ACOXL: variants seen among roughly 807,000 people sequenced by gnomAD.
ACOXL encodes the protein acyl-coenzyme A oxidase-like protein.
A neutral mutation model predicts 71.9 loss-of-function variants in ACOXL; 70 were observed. That is an observed-to-expected ratio of 0.97 (90% CI 0.80 to 1.19). ACOXL has a LOEUF of 1.19. Among genes scored for constraint, ACOXL ranks in the 50% most tolerant of loss-of-function variants. The pLI is 0.00. For synonymous variants in ACOXL, 253 were observed against 281.6 expected (o/e 0.90, Z 1.02); for missense variants, 703 against 736.3 (o/e 0.95, Z 0.52).
intron 16 of ACOXL, among the ~76,000 whole-genome samples, chr2:111,059,758 G>A (rs190587192): frequency 7.9e-5 from 11 of 138,654 alleles, no homozygotes; most frequent in Admixed American, 5.8e-4. Context: ...AAAAGCTAAC[G>A]CACACAAAGG....
chr2:110,964,043 A>G (rs576022280), intron 12 of ACOXL, among the ~76,000 whole-genome samples: 2 of 152,310 alleles, frequency 1.3e-5, no homozygotes, highest in South Asian at 4.1e-4. Context: ...ACGGCAATGG[A>G]TCAGCCTCCT....
chr2:110,847,965 T>G, intron 10 of ACOXL, among the ~76,000 whole-genome samples: 1 of 152,182 alleles, frequency 6.6e-6, no homozygotes, highest in Non-Finnish European at 1.5e-5. Flanking sequence ...GTGTTCTGAT[T>G]TAGATTAGAA....
chr2:110,793,296 A>T (rs1010667860), intron 3 of ACOXL, among the ~76,000 whole-genome samples: 1 of 152,218 alleles, frequency 6.6e-6, no homozygotes, highest in East Asian at 1.9e-4. Flanking sequence ...ATCGAGGGTC[A>T]TTGCACACAC....
chr2:110,780,400 C>T (rs142987063), intron 2 of ACOXL, among the ~76,000 whole-genome samples: 1 of 152,280 alleles, frequency 6.6e-6, no homozygotes, highest in East Asian at 1.9e-4. Flanking sequence ...CTGTTCCTTA[C>T]AACACTAAAA....
intron 10 of ACOXL, among the ~76,000 whole-genome samples, chr2:110,870,313 G>A (rs564565269): frequency 5.3e-5 from 8 of 151,704 alleles, no homozygotes; most frequent in Admixed American, 1.3e-4. Flanking sequence ...TAGTGCCATC[G>A]ACTTCCTTTT....
At chr2:110,959,936 C>T (rs1302781662) in intron 12 of ACOXL, among the ~76,000 whole-genome samples, 6 of 152,140 alleles carry the variant, frequency 3.9e-5, no homozygotes, top group Non-Finnish European at 7.4e-5. Context: ...AAAATTGCTA[C>T]CCAAGGCCAC....
chr2:111,079,064 A>G (rs758221887), intron 16 of ACOXL, among the ~76,000 whole-genome samples: 2 of 152,172 alleles, frequency 1.3e-5, no homozygotes, highest in Non-Finnish European at 2.9e-5. Flanking sequence ...TAAAAGCTGT[A>G]CATGTATTTG....
chr2:110,740,783 C>T (rs949009202), intron 1 of ACOXL, among the ~76,000 whole-genome samples: 1 of 152,188 alleles, frequency 6.6e-6, no homozygotes, highest in Non-Finnish European at 1.5e-5. Context: ...AGTGGGGAAT[C>T]CACTGGCCCT....
At chr2:111,062,719 CA>C (rs1443123481) in intron 16 of ACOXL, among the ~76,000 whole-genome samples, 1 of 151,944 alleles carries the variant, frequency 6.6e-6, no homozygotes, top group East Asian at 1.9e-4. Flanking sequence ...AGAAAAGTTT[CA>C]AACCAGTGAC....
intron 10 of ACOXL, among the ~76,000 whole-genome samples, chr2:110,854,285 T>C (rs1692977940): frequency 6.6e-6 from 1 of 152,190 alleles, no homozygotes; most frequent in African/African-American, 2.4e-5. Context: ...TTGGTACAAT[T>C]TCCAGGCATC....
At position 110,942,083 on chromosome 2, in the gene ACOXL, T is replaced by C. The variant is rs538235346; in HGVS notation, c.1059+8441T>C. Among the ~76,000 whole-genome samples the C allele has an allele frequency of 1.6e-4, 25 of 152,312 alleles. No individual in the cohort carries two copies. The South Asian group carries it at 5.2e-3, about 32-fold the overall frequency. On this transcript the variant is annotated intron_variant, in intron 12 of 17. Coordinates refer to ENST00000439055, the MANE Select transcript of ACOXL (RefSeq NM_001142807.4). ...ACACTATTGTGAGGTCCTTAGACTATGTGTGAAGTCATTTGCTATTATTTG... is the reference window on the plus strand; with the variant it reads ...ACACTATTGTGAGGTCCTTAGACTACGTGTGAAGTCATTTGCTATTATTTG...
At chr2:110,911,583 A>G (rs1006592371) in intron 11 of ACOXL, among the ~76,000 whole-genome samples, 13 of 152,106 alleles carry the variant, frequency 8.5e-5, no homozygotes, top group African/African-American at 2.9e-4. Flanking sequence ...ACAACATACT[A>G]CACTGTGTTA....
At chr2:110,933,397 A>T in intron 11 of ACOXL, 92 bp from the exon 12 acceptor site, 3 of 1,417,490 alleles carry the variant, frequency 2.1e-6, no homozygotes, top group Non-Finnish European at 2.9e-6. Flanking sequence ...TCTTTCCTCA[A>T]ATAGCGTTAT....
rs560114054 is a variant in ACOXL, at chr2:110,888,315, A to G, written c.789-20474A>G. On this transcript the variant is annotated intron_variant, in intron 10 of 17. Coordinates refer to ENST00000439055, the MANE Select transcript of ACOXL (RefSeq NM_001142807.4). ...GACTTCATGCAAATGATTTGGCTTT[A>G]CTGGGACTTGGTTTCTGCTATAATA... Among the ~76,000 whole-genome samples the G allele has an allele frequency of 2.0e-5, 3 of 152,296 alleles. No homozygotes were observed. The South Asian group carries it at 6.2e-4, about 32-fold the overall frequency.
intron 17 of ACOXL, among the ~76,000 whole-genome samples, chr2:111,115,914 A>G (rs1309465498): frequency 2.0e-5 from 3 of 152,126 alleles, no homozygotes; most frequent in Non-Finnish European, 4.4e-5. Flanking sequence ...AATTTTCTTT[A>G]TATTGAAATC....
chr2:111,025,231 G>A (rs1203787806), intron 14 of ACOXL, among the ~76,000 whole-genome samples: 2 of 152,212 alleles, frequency 1.3e-5, no homozygotes, highest in African/African-American at 4.8e-5. Context: ...CCATTAAGCA[G>A]GTGGTAGATG....
At chr2:110,875,527 G>A (rs1343913205) in intron 10 of ACOXL, among the ~76,000 whole-genome samples, 1 of 152,216 alleles carries the variant, frequency 6.6e-6, no homozygotes, top group Non-Finnish European at 1.5e-5. Flanking sequence ...ATGGGTGTGG[G>A]CTTGGGGCTG....
intron 12 of ACOXL, among the ~76,000 whole-genome samples, chr2:110,978,703 C>T (rs1038481698): frequency 6.6e-6 from 1 of 152,124 alleles, no homozygotes; most frequent in Admixed American, 6.5e-5. Flanking sequence ...TATGTTTGAA[C>T]ATGTTTGAGT....
intron 1 of ACOXL, among the ~76,000 whole-genome samples, chr2:110,751,156 C>A (rs1387545480): frequency 6.6e-6 from 1 of 151,974 alleles, no homozygotes; most frequent in South Asian, 2.1e-4. Context: ...AAAAAATTAG[C>A]CAGGCATTGT....
Sources: gnomAD v4.1 joint callset for allele counts (sites outside exome capture counted in the v4.1 genomes callset) on GRCh38, gnomAD v4.1.1 for gene constraint, MANE v1.5 for transcripts, NCBI Gene and HGNC (gene_info 2026-07-23, HGNC 2026-07-21) for gene names.